Variants in FBLN5 observed in about 807,000 individuals in gnomAD.
FBLN5 encodes fibulin-5.
In FBLN5, 24 loss-of-function variants were observed where a neutral mutation model predicts 61.6. The ratio of observed to expected loss-of-function variants is 0.39; its 90% CI spans 0.28 to 0.55. The LOEUF (loss-of-function observed/expected upper bound fraction) is 0.55, where lower values mean the gene tolerates loss of function less well. Among genes scored for constraint, FBLN5 ranks in the 20% least tolerant of loss-of-function variants. The pLI is 0.65. For synonymous variants in FBLN5, 213 were observed against 219.8 expected (o/e 0.97, Z 0.27); for missense variants, 470 against 594.1 (o/e 0.79, Z 2.17).
At chr14:91,872,921 C>G (rs1889008199) in intron 10 of FBLN5, among the ~76,000 whole-genome samples, 1 of 152,240 alleles carries the variant, frequency 6.6e-6, no homozygotes, top group South Asian at 2.1e-4. Flanking sequence ...AGAGGGAGAT[C>G]TGCAGAGCCC....
intron 4 of FBLN5, among the ~76,000 whole-genome samples, chr14:91,927,872 A>G (rs974429479): frequency 2.0e-5 from 3 of 152,268 alleles, no homozygotes; most frequent in African/African-American, 7.2e-5. Flanking sequence ...GAGTAGAAAT[A>G]AAAGTAACAT....
At chr14:91,896,125 T>A (rs767739958) in intron 4 of FBLN5, among the ~76,000 whole-genome samples, 1 of 152,166 alleles carries the variant, frequency 6.6e-6, no homozygotes, top group Non-Finnish European at 1.5e-5. Flanking sequence ...TGCTCAAAAC[T>A]GTTTGTTGAA....
intron 10 of FBLN5, among the ~76,000 whole-genome samples, chr14:91,875,221 C>T (rs1889112315): frequency 6.6e-6 from 1 of 152,124 alleles, no homozygotes; most frequent in Admixed American, 6.5e-5. Context: ...ATGCAGGCCC[C>T]TGAAGTTCAA....
intron 9 of FBLN5, among the ~76,000 whole-genome samples, chr14:91,878,321 A>C (rs7151823): frequency 0.011 from 1,652 of 152,328 alleles, 32 homozygotes; most frequent in African/African-American, 0.037. Flanking sequence ...CCACAGACAC[A>C]AATATCTCTA....
chr14:91,877,840 T>C, intron 9 of FBLN5, 158 bp from the exon 10 acceptor site: 1 of 695,918 alleles, frequency 1.4e-6, no homozygotes, highest in East Asian at 2.7e-5. Flanking sequence ...GAGTCTAAAA[T>C]CTCTCCAGCA....
At chr14:91,878,842 G>C (rs914416335) in intron 9 of FBLN5, among the ~76,000 whole-genome samples, 23 of 152,166 alleles carry the variant, frequency 1.5e-4, no homozygotes, top group African/African-American at 5.6e-4. Context: ...GGTGTCTCAT[G>C]CCTATAATCC....
intron 4 of FBLN5, among the ~76,000 whole-genome samples, chr14:91,900,259 T>C (rs187590569): frequency 1.3e-5 from 2 of 152,332 alleles, no homozygotes; most frequent in East Asian, 3.9e-4. Flanking sequence ...TATAGGCAGT[T>C]ATAACAGACT....
At chr14:91,940,749 C>T in intron 2 of FBLN5, 133 bp from the exon 3 acceptor site, 1 of 735,558 alleles carries the variant, frequency 1.4e-6, no homozygotes, top group Non-Finnish European at 2.4e-6. Flanking sequence ...GTATTATAAC[C>T]CCTATTTGTT....
chr14:91,911,655 G>T (rs986408456), intron 4 of FBLN5, among the ~76,000 whole-genome samples: 1 of 152,226 alleles, frequency 6.6e-6, no homozygotes, highest in Non-Finnish European at 1.5e-5. Flanking sequence ...AGAAAATAAG[G>T]CCTCTGAGGT....
At position 91,909,688 on chromosome 14, in the gene FBLN5, A is replaced by T. The variant is rs549436959; in HGVS notation, c.380-14616T>A. Among the ~76,000 whole-genome samples, 5 of 152,306 alleles carry T rather than the reference A, an allele frequency of 3.3e-5. No individual in the cohort carries two copies. In the East Asian group the frequency reaches 9.6e-4, roughly 29 times the overall value. On this transcript the variant is annotated intron_variant, in intron 4 of 10. Coordinates refer to ENST00000342058, the MANE Select transcript of FBLN5 (RefSeq NM_006329.4). ...GATGCCTTCCACCGTGTTATGACAC[A>T]GCCAGAAGGCCCACCAGATGCTGGC...
At chr14:91,914,525 T>C (rs1891104588) in intron 4 of FBLN5, among the ~76,000 whole-genome samples, 1 of 138,544 alleles carries the variant, frequency 7.2e-6, no homozygotes, top group Admixed American at 7.3e-5. Context: ...CTGGGCAGTA[T>C]AGTACATACC....
intron 4 of FBLN5, among the ~76,000 whole-genome samples, chr14:91,935,741 C>G (rs1358250619): frequency 1.3e-5 from 2 of 152,200 alleles, no homozygotes; most frequent in African/African-American, 2.4e-5. Context: ...GGTCTTTCCT[C>G]CTGATGCTGG....
Position 91,881,303 on chromosome 14 carries a change from C to T in FBLN5, c.978G>A (p.Arg326=), listed in dbSNP as rs775694073. The change falls in exon 9 of 11, where the codon AGG becomes AGA. Residue 326 remains arginine, a synonymous_variant. Transcript: ENST00000342058. ...ACGCCGTGACTTACTTATCACTGAT[C>T]CTCAGATAAGGCTCCTCACAGCGGA... ...DPIRCEEPYL[R]ISDNRCMCPA... is the part of the protein sequence containing the mutation. The T allele has an allele frequency of 1.2e-6, 2 of 1,614,034 alleles. No individual in the cohort carries two copies. The highest frequency in any genetic ancestry group is 1.6e-4 in the Middle Eastern group (1 of 6,084).
In FBLN5 at chr14:91,870,048, G is replaced by A. The variant is rs1310730031; in HGVS notation, c.*176C>T. On this transcript the variant is annotated 3_prime_UTR_variant, in exon 11 of 11. Transcript: ENST00000342058. ...GAACTGGGGGTGGCAAGTCCTGCAG[G>A]GTGACAGGTCTGCAATAGTACAGGT... The A allele has an allele frequency of 2.9e-6, 2 of 681,542 alleles. No homozygotes were observed. Among genetic ancestry groups the A allele is most frequent in the Non-Finnish European group, 5.3e-6 (2 of 377,280 alleles). 42.2% of individuals were successfully genotyped at this position (681,542 alleles called of 1,614,324 possible).
chr14:91,941,592 G>A (rs1488571738), intron 2 of FBLN5, among the ~76,000 whole-genome samples: 1 of 152,154 alleles, frequency 6.6e-6, no homozygotes, highest in African/African-American at 2.4e-5. Context: ...TGGGGCAAAG[G>A]AAGTGGAACA....
At chr14:91,929,472 T>G (rs1380984103) in intron 4 of FBLN5, among the ~76,000 whole-genome samples, 1 of 152,170 alleles carries the variant, frequency 6.6e-6, no homozygotes, top group Admixed American at 6.5e-5. Flanking sequence ...TCACAGATAA[T>G]AAAACTTAGG....
chr14:91,876,408 G>C (rs566909775), intron 10 of FBLN5, among the ~76,000 whole-genome samples: 1 of 152,302 alleles, frequency 6.6e-6, no homozygotes, highest in Admixed American at 6.5e-5. Flanking sequence ...CAGTATGCTG[G>C]GTAGTAGCCC....
In FBLN5 at chr14:91,942,960, T is replaced by C; in HGVS notation, c.19A>G (p.Ile7Val). 6.4e-7 allele frequency: 1 copy of C among 1,550,804 alleles called. No homozygotes were observed. The highest frequency in any genetic ancestry group is 8.7e-7 in the Non-Finnish European group (1 of 1,143,738). ...AGAGCCAGAATGGTAACAGTGAGTA[T>C]CCTGTGGAGGTGAAAAGTCAAATAT... MPGIKR[I>V]LTVTILALCL... The change falls in exon 2 of 11, where the codon ATA (isoleucine) becomes GTA (valine). Residue 7 changes from isoleucine (I) to valine (V), a missense_variant and splice_region_variant. By Grantham distance (29) the Ile-to-Val change is conservative. Coordinates refer to ENST00000342058, the MANE Select transcript of FBLN5 (RefSeq NM_006329.4).
At chr14:91,895,908 G>A (rs556124875) in intron 4 of FBLN5, among the ~76,000 whole-genome samples, 2 of 150,812 alleles carry the variant, frequency 1.3e-5, no homozygotes, top group East Asian at 1.9e-4. Flanking sequence ...TCCAGTCTTC[G>A]CTCCACTCCA....
Sources: allele counts gnomAD v4.1 joint callset (sites outside exome capture counted in the v4.1 genomes callset), GRCh38; gene constraint gnomAD v4.1.1; transcripts MANE v1.5; gene names NCBI Gene and HGNC (gene_info 2026-07-23, HGNC 2026-07-21).